Variants in GCH1 observed in about 807,000 individuals in gnomAD.
GCH1 encodes the protein GTP cyclohydrolase 1, also known as GTP cyclohydrolase I.
In GCH1, 5 loss-of-function variants were observed where a neutral mutation model predicts 25.9. That is an observed-to-expected ratio of 0.19 (90% CI 0.10 to 0.41). The LOEUF is 0.41. GCH1 is among the 10% of genes least tolerant of loss of function. The probability of loss-of-function intolerance (pLI) is 1.00; values close to 1 mark genes in which losing one functional copy is unlikely to be tolerated. For missense variants in GCH1, 261 were observed against 336.5 expected, an observed-to-expected ratio of 0.78 and a Z score of 1.75; for synonymous variants, 159 against 129.6, an observed-to-expected ratio of 1.23 and a Z score of -1.54.
At chr14:54,853,676 T>G (rs1033816214) in intron 3 of GCH1, among the ~76,000 whole-genome samples, 2 of 152,228 alleles carry the variant, frequency 1.3e-5, no homozygotes, top group Admixed American at 1.3e-4. Flanking sequence ...AAACAGTACT[T>G]CTATACTAGC....
At chr14:54,894,302 C>A (rs911447767) in intron 1 of GCH1, among the ~76,000 whole-genome samples, 2 of 152,152 alleles carry the variant, frequency 1.3e-5, no homozygotes, top group African/African-American at 2.4e-5. Context: ...AACATGGACA[C>A]TGACAGAGGC....
Position 54,902,720 on chromosome 14 carries a change from G to A in GCH1, c.-57C>T, listed in dbSNP as rs1410499488. 2.1e-6 allele frequency: 3 copies of A among 1,395,480 alleles called. No individual in the cohort carries two copies. The highest frequency in any genetic ancestry group is 2.8e-6 in the Non-Finnish European group (3 of 1,080,380). The allele number at this position is 1,395,480 out of a possible 1,614,324, so 86.4% of individuals were successfully genotyped here. A position where few individuals can be genotyped will look rare whatever the true frequency, so the allele number is the denominator to read the frequency against. On this transcript the variant is annotated 5_prime_UTR_variant, in exon 1 of 6. Transcript: ENST00000491895. Reference sequence around the variant, plus strand: ...GACCCCGGGGCGCTTCGAGGTCTGCGGCTAAACTCCGCCGGTGGCCGCGGA... The same window carrying A: ...GACCCCGGGGCGCTTCGAGGTCTGCAGCTAAACTCCGCCGGTGGCCGCGGA...
intron 3 of GCH1, among the ~76,000 whole-genome samples, chr14:54,850,311 T>G (rs2039708611): frequency 6.7e-6 from 1 of 148,548 alleles, no homozygotes; most frequent in East Asian, 1.9e-4. Flanking sequence ...GGTTCTTTTT[T>G]TTTTTTTTTT....
intron 3 of GCH1, among the ~76,000 whole-genome samples, chr14:54,850,323 T>C (rs1594974414): frequency 6.8e-6 from 1 of 147,364 alleles, no homozygotes; most frequent in Non-Finnish European, 1.5e-5. Context: ...TTTTTTTTTT[T>C]TCCCCCGAGA....
chr14:54,858,409 C>T (rs941183908), intron 3 of GCH1, among the ~76,000 whole-genome samples: 8 of 152,148 alleles, frequency 5.3e-5, no homozygotes, highest in Non-Finnish European at 1.5e-5. Flanking sequence ...CCTCAGCCTC[C>T]TGATTAGCTG....
chr14:54,855,621 T>C (rs1393146093), intron 3 of GCH1, among the ~76,000 whole-genome samples: 1 of 151,130 alleles, frequency 6.6e-6, no homozygotes, highest in African/African-American at 2.4e-5. Flanking sequence ...CGAGGCCAGC[T>C]TGGCCAACAT....
At chr14:54,853,851 T>C (rs1172874383) in intron 3 of GCH1, among the ~76,000 whole-genome samples, 15 of 152,170 alleles carry the variant, frequency 9.9e-5, no homozygotes, top group Admixed American at 9.8e-4. Flanking sequence ...TTTATACACA[T>C]GCAAAATTTG....
intron 1 of GCH1, among the ~76,000 whole-genome samples, chr14:54,884,463 T>C (rs914142922): frequency 3.3e-5 from 5 of 152,168 alleles, no homozygotes; most frequent in Admixed American, 2.6e-4. Context: ...TTTCTTTTTT[T>C]CTTTTTTTGT....
In GCH1 at chr14:54,896,982, T is replaced by A. The variant is rs563633785; in HGVS notation, c.343+5339A>T. On this transcript the variant is annotated intron_variant, in intron 1 of 5. Transcript: ENST00000491895. ...CTTGTCCTTACTATATGTGATAGAC[T>A]GATCTTATCCATTCTACTCCACTTT... Among the ~76,000 whole-genome samples the A allele has an allele frequency of 8.0e-5, 12 of 149,514 alleles. No individual in the cohort carries two copies. In the South Asian group the frequency reaches 2.5e-3, roughly 31 times the overall value.
chr14:54,895,201 C>A (rs1357713965), intron 1 of GCH1, among the ~76,000 whole-genome samples: 1 of 152,186 alleles, frequency 6.6e-6, no homozygotes, highest in African/African-American at 2.4e-5. Context: ...CATAATCTTC[C>A]AGTGAAAATG....
intron 3 of GCH1, among the ~76,000 whole-genome samples, 183 bp from the exon 4 acceptor site, chr14:54,847,313 T>C (rs573243003): frequency 6.6e-6 from 1 of 152,274 alleles, no homozygotes; most frequent in East Asian, 1.9e-4. Flanking sequence ...TCAACTTGAT[T>C]GGATTGAAGG....
At chr14:54,860,781 T>C (rs1428796125) in intron 2 of GCH1, among the ~76,000 whole-genome samples, 1 of 152,148 alleles carries the variant, frequency 6.6e-6, no homozygotes, top group Non-Finnish European at 1.5e-5. Context: ...CCTTGTGATC[T>C]GCCCGCCTCG....
In GCH1 at chr14:54,847,818, AGAGAT is replaced by A. The variant is rs533010474; in HGVS notation, c.510-693_510-689del. The stretch of plus-strand genomic sequence containing the variant: ...ACTGTGACGTTCACTTAGGAAAAAC[AGAGAT>A]GAGTAACAAAATTTTAAAGTTCCAA... On this transcript the variant is annotated intron_variant, in intron 3 of 5. Coordinates refer to ENST00000491895, the MANE Select transcript of GCH1 (RefSeq NM_000161.3). Among the ~76,000 whole-genome samples, 204 of 152,328 alleles carry A rather than the reference AGAGAT, an allele frequency of 1.3e-3. 2 individuals carry two copies. Among genetic ancestry groups the A allele is most frequent in the African/African-American group, 4.7e-3 (195 of 41,586 alleles).
Position 54,865,315 on chromosome 14 carries a change from A to C in GCH1, c.453+12T>G. The C allele has an allele frequency of 2.4e-6, 3 of 1,240,800 alleles. No individual in the cohort carries two copies. The highest frequency in any genetic ancestry group is 1.2e-5 in the South Asian group (1 of 82,988). The allele number at this position is 1,240,800 out of a possible 1,614,324, so 76.9% of individuals were successfully genotyped here. A position where few individuals can be genotyped will look rare whatever the true frequency, so the allele number is the denominator to read the frequency against. On this transcript the variant is annotated intron_variant, in intron 2 of 5. Transcript: ENST00000491895. ...GTTTTAAATTGCTGGGAAACAACAA[A>C]GAGAACCTTACCTTTCCAACAAATG...
At chr14:54,872,533 A>G (rs1025446556) in intron 1 of GCH1, among the ~76,000 whole-genome samples, 72 of 152,340 alleles carry the variant, frequency 4.7e-4, no homozygotes, top group Non-Finnish European at 2.1e-4. Flanking sequence ...AAATGCTCCA[A>G]TTAAAAGACA....
intron 2 of GCH1, among the ~76,000 whole-genome samples, chr14:54,863,232 A>T (rs1468734133): frequency 3.9e-5 from 6 of 151,914 alleles, no homozygotes; most frequent in African/African-American, 4.8e-5. Flanking sequence ...ATCCTGGCTA[A>T]CACCGTGAAA....
chr14:54,885,527 T>G lies in GCH1; in HGVS notation c.343+16794A>C, dbSNP rs539582495. 8.2e-5 allele frequency: 28 copies of G among 339,638 alleles called. 1 individual carries two copies. The highest frequency in any genetic ancestry group is 7.9e-4 in the South Asian group (28 of 35,312). The allele number at this position is 339,638 out of a possible 1,614,324, so 21.0% of individuals were successfully genotyped here. On this transcript the variant is annotated intron_variant, in intron 1 of 5. Coordinates refer to ENST00000491895, the MANE Select transcript of GCH1 (RefSeq NM_000161.3). ...ATGGCATCCAAACCTACACCTGGCTTCTGATACAAGCAGATCTGCCCCCAG... is the reference window on the plus strand; with the variant it reads ...ATGGCATCCAAACCTACACCTGGCTGCTGATACAAGCAGATCTGCCCCCAG...
intron 1 of GCH1, among the ~76,000 whole-genome samples, chr14:54,888,518 T>TA: frequency 7.5e-6 from 1 of 132,820 alleles, no homozygotes; most frequent in Non-Finnish European, 1.6e-5. Flanking sequence ...ACATACTAGT[T>TA]TTTTTTTTTT....
intron 1 of GCH1, among the ~76,000 whole-genome samples, chr14:54,887,959 C>G (rs2040374809): frequency 6.6e-6 from 1 of 152,138 alleles, no homozygotes; most frequent in African/African-American, 2.4e-5. Context: ...CACTCCTTTT[C>G]TAGTTTATAT....
Sources: gnomAD v4.1 joint callset for allele counts (sites outside exome capture counted in the v4.1 genomes callset) on GRCh38, gnomAD v4.1.1 for gene constraint, MANE v1.5 for transcripts, NCBI Gene and HGNC (gene_info 2026-07-23, HGNC 2026-07-21) for gene names.